SMARCB1: variants seen among roughly 807,000 people sequenced by gnomAD.
SMARCB1 encodes SWI/SNF-related matrix-associated actin-dependent regulator of chromatin subfamily B member 1.
SMARCB1 carries 5 observed loss-of-function variants against 49.0 expected under a neutral mutation model. The ratio of observed to expected loss-of-function variants is 0.10; its 90% CI spans 0.05 to 0.21. The LOEUF (loss-of-function observed/expected upper bound fraction) is 0.21. Among genes scored for constraint, SMARCB1 ranks in the 10% least tolerant of loss-of-function variants. SMARCB1 has a pLI of 1.00. For missense variants in SMARCB1, 226 were observed against 509.2 expected (o/e 0.44, Z 5.35); for synonymous variants, 201 against 200.1 (o/e 1.00, Z -0.04).
At chr22:23,829,592 G>A (rs546312823) in intron 7 of SMARCB1, among the ~76,000 whole-genome samples, 1 of 152,208 alleles carries the variant, frequency 6.6e-6, no homozygotes, top group Non-Finnish European at 1.5e-5. Flanking sequence ...GGCTGGTTGA[G>A]CGTAAGCCTC....
At chr22:23,808,276 A>G (rs537033152) in intron 5 of SMARCB1, among the ~76,000 whole-genome samples, 8 of 152,226 alleles carry the variant, frequency 5.3e-5, no homozygotes, top group African/African-American at 1.7e-4. Flanking sequence ...GCCCGCCGCC[A>G]TGCCCGGCTA....
At chr22:23,833,164 C>T (rs904016492) in intron 7 of SMARCB1, among the ~76,000 whole-genome samples, 3 of 152,126 alleles carry the variant, frequency 2.0e-5, no homozygotes, top group African/African-American at 7.2e-5. Context: ...ATCAGTGGGC[C>T]CTGGCTCTGG....
chr22:23,819,415 T>G (rs932199883), intron 6 of SMARCB1, among the ~76,000 whole-genome samples: 9 of 151,634 alleles, frequency 5.9e-5, no homozygotes, highest in African/African-American at 2.2e-4. Flanking sequence ...ATGGCACTCC[T>G]GCCTCCCAGG....
At chr22:23,797,191 G>A (rs1292759531) in intron 3 of SMARCB1, among the ~76,000 whole-genome samples, 4 of 149,534 alleles carry the variant, frequency 2.7e-5, no homozygotes, top group African/African-American at 9.8e-5. Context: ...GTAGAGACGG[G>A]GTTTCACCGT....
intron 1 of SMARCB1, among the ~76,000 whole-genome samples, chr22:23,788,606 A>G (rs1332709971): frequency 6.6e-6 from 1 of 151,860 alleles, no homozygotes; most frequent in African/African-American, 2.4e-5. Context: ...GGGTTTTGCC[A>G]TGTTGCCCAG....
chr22:23,834,298 G>A lies in SMARCB1; in HGVS notation c.*118G>A. 8.6e-7 allele frequency: 1 copy of A among 1,162,850 alleles called. No individual in the cohort carries two copies. Among genetic ancestry groups the A allele is most frequent in the South Asian group, 1.3e-5 (1 of 75,802 alleles). 72.0% of individuals were successfully genotyped at this position (1,162,850 alleles called of 1,614,324 possible). A position where few individuals can be genotyped will look rare whatever the true frequency, so the allele number is the denominator to read the frequency against. On this transcript the variant is annotated 3_prime_UTR_variant, in exon 9 of 9. Transcript: ENST00000644036. ...CCCAGCGCCATCCTGAGGATCGGGT[G>A]GGGGTGGAGTGGGGGCTTCCAGGTG...
chr22:23,791,340 G>C (rs1156479548), intron 1 of SMARCB1, among the ~76,000 whole-genome samples: 2 of 152,200 alleles, frequency 1.3e-5, no homozygotes, highest in African/African-American at 4.8e-5. Context: ...TCTGGCATCT[G>C]TCTAAAATTA....
At chr22:23,834,019 G>A (rs2030821831) in intron 8 of SMARCB1, 122 bp from the exon 9 acceptor site, 1 of 1,077,730 alleles carries the variant, frequency 9.3e-7, no homozygotes, top group Admixed American at 2.0e-5. Context: ...TGACCCTGCT[G>A]GGGGCCCACA....
chr22:23,789,069 T>G (rs1928202486), intron 1 of SMARCB1, among the ~76,000 whole-genome samples: 1 of 152,164 alleles, frequency 6.6e-6, no homozygotes, highest in Non-Finnish European at 1.5e-5. Flanking sequence ...AGGCTGGTCT[T>G]AAACTTGTGA....
chr22:23,808,457 C>T (rs188082122), intron 5 of SMARCB1, among the ~76,000 whole-genome samples: 19 of 151,580 alleles, frequency 1.3e-4, no homozygotes, highest in South Asian at 8.3e-4. Flanking sequence ...GGGGTTTCAC[C>T]GTGTTAGCCA....
chr22:23,818,560 A>G (rs917717078), intron 6 of SMARCB1: 3 of 152,212 alleles, frequency 2.0e-5, no homozygotes, highest in Non-Finnish European at 4.4e-5. Flanking sequence ...GTATATTCAC[A>G]TCCATGGCTG....
intron 2 of SMARCB1, chr22:23,793,232 T>A (rs1164050892): frequency 2.5e-6 from 1 of 406,636 alleles, no homozygotes; most frequent in Non-Finnish European, 4.7e-6. Flanking sequence ...CAAGAGAATA[T>A]GTTCTGGAGT....
In SMARCB1 at chr22:23,837,847, C is replaced by G. The variant is rs1226964737; in HGVS notation, c.*3667C>G. ...CAGGAAGAACAGGCTGCCCAGGAGT[C>G]CCAGCAGCTGGGCCAGAGTCAAGGT... On this transcript the variant is annotated 3_prime_UTR_variant, in exon 9 of 9. Coordinates refer to ENST00000644036, the MANE Select transcript of SMARCB1 (RefSeq NM_003073.5). 1 of 1,611,462 alleles carries G rather than the reference C, an allele frequency of 6.2e-7. No homozygotes were observed. The highest frequency in any genetic ancestry group is 2.2e-5 in the East Asian group (1 of 44,822).
At chr22:23,809,839 C>T (rs1163529919) in intron 5 of SMARCB1, among the ~76,000 whole-genome samples, 5 of 151,990 alleles carry the variant, frequency 3.3e-5, no homozygotes, top group African/African-American at 4.8e-5. Flanking sequence ...CAGGAATGAA[C>T]GATATTGGAC....
At chr22:23,814,221 T>A in intron 5 of SMARCB1, among the ~76,000 whole-genome samples, 1 of 152,176 alleles carries the variant, frequency 6.6e-6, no homozygotes, top group East Asian at 1.9e-4. Context: ...TGTGTGGTAT[T>A]GGTGGAGTGA....
intron 4 of SMARCB1, 153 bp from the exon 5 acceptor site, chr22:23,803,142 C>T (rs970128292): frequency 3.4e-5 from 33 of 981,432 alleles, no homozygotes; most frequent in Middle Eastern, 4.7e-4. Flanking sequence ...GGGACCCCTG[C>T]TAGCCTCGTC....
At position 23,834,632 on chromosome 22, in the gene SMARCB1, C is replaced by T. The variant is rs188701155; in HGVS notation, c.*452C>T. 3.6e-6 allele frequency: 3 copies of T among 822,976 alleles called. No individual in the cohort carries two copies. Among genetic ancestry groups the T allele is most frequent in the Non-Finnish European group, 5.8e-6 (3 of 516,446 alleles). 51.0% of individuals were successfully genotyped at this position (822,976 alleles called of 1,614,324 possible). A position where few individuals can be genotyped will look rare whatever the true frequency, so the allele number is the denominator to read the frequency against. The stretch of plus-strand genomic sequence containing the variant: ...GAACAAGGTTGGCACACAGGCCTCA[C>T]CCTCCTCTGCCTCAGATTCCCAAGT... On this transcript the variant is annotated 3_prime_UTR_variant, in exon 9 of 9. Transcript: ENST00000644036.
At chr22:23,814,367 G>A (rs35381470) in intron 5 of SMARCB1, among the ~76,000 whole-genome samples, 6,597 of 152,280 alleles carry the variant, frequency 0.043, 219 homozygotes, top group Non-Finnish European at 0.069. Context: ...GGAGCAATTA[G>A]ACAATCATAG....
intron 5 of SMARCB1, among the ~76,000 whole-genome samples, chr22:23,813,071 T>G (rs1929976631): frequency 6.6e-6 from 1 of 152,118 alleles, no homozygotes; most frequent in African/African-American, 2.4e-5. Context: ...TTCACAGTGT[T>G]AGCCAGGAAT....
Sources: allele counts gnomAD v4.1 joint callset (sites outside exome capture counted in the v4.1 genomes callset), GRCh38; gene constraint gnomAD v4.1.1; transcripts MANE v1.5; gene names NCBI Gene and HGNC (gene_info 2026-07-23, HGNC 2026-07-21).